The following NRXN3 variants were observed in gnomAD, a reference collection of about 807,000 sequenced individuals.
NRXN3 encodes neurexin 3.
Under a neutral mutation model 137.6 loss-of-function variants are expected in NRXN3, and 32 were observed. The observed-to-expected ratio is 0.23, with a 90% CI of 0.18 to 0.31. The LOEUF is 0.31. Ranked by LOEUF, NRXN3 falls within the 10% of genes least tolerant of loss-of-function variation. The pLI, the probability that NRXN3 is intolerant of heterozygous loss-of-function variation, is 1.00. For synonymous variants in NRXN3, 798 were observed against 784.5 expected (o/e 1.02, Z -0.29); for missense variants, 1,574 against 2,062.5 (o/e 0.76, Z 4.59).
chr14:79,780,175 C>A (rs1234477753), intron 19 of NRXN3, among the ~76,000 whole-genome samples: 4 of 151,898 alleles, frequency 2.6e-5, no homozygotes, highest in African/African-American at 9.7e-5. Flanking sequence ...AAAAAAAATT[C>A]ACAGATGCTT....
rs10134639 is a variant in NRXN3 at position 78,519,061 on chromosome 14, C to G, written c.758-126059C>G. ...GACTCTAGTATATAATATCATTCTGCTATTCATCAGGAAGTGGCTGAATAA... is the reference window on the plus strand; with the variant it reads ...GACTCTAGTATATAATATCATTCTGGTATTCATCAGGAAGTGGCTGAATAA... On this transcript the variant is annotated intron_variant, in intron 4 of 20. Transcript: ENST00000335750. Among the ~76,000 whole-genome samples the G allele has an allele frequency of 9.7e-3, 1,469 of 152,172 alleles. 25 individuals are homozygous for G. The highest frequency in any genetic ancestry group is 0.033 in the African/African-American group (1,385 of 41,508).
At chr14:78,395,968 C>G (rs2091412166) in intron 4 of NRXN3, among the ~76,000 whole-genome samples, 1 of 151,770 alleles carries the variant, frequency 6.6e-6, no homozygotes, top group Non-Finnish European at 1.5e-5. Context: ...TATTTAGACT[C>G]TTTATATTTA....
chr14:78,702,249 C>T (rs1037386603), intron 6 of NRXN3, among the ~76,000 whole-genome samples: 9 of 151,640 alleles, frequency 5.9e-5, no homozygotes, highest in African/African-American at 2.2e-4. Context: ...TAAGTATATA[C>T]AATTTATAAA....
chr14:78,784,857 C>A (rs2098783714), intron 8 of NRXN3, among the ~76,000 whole-genome samples: 1 of 152,022 alleles, frequency 6.6e-6, no homozygotes, highest in Non-Finnish European at 1.5e-5. Context: ...ACATTTTAGA[C>A]AAAAGGAGCA....
intron 15 of NRXN3, among the ~76,000 whole-genome samples, chr14:79,376,447 T>C (rs1207916754): frequency 2.6e-5 from 4 of 151,886 alleles, no homozygotes; most frequent in Non-Finnish European, 5.9e-5. Flanking sequence ...CATCCTCCAA[T>C]TAATTAGCTG....
At chr14:78,780,426 A>G (rs1233341962) in intron 8 of NRXN3, among the ~76,000 whole-genome samples, 1 of 152,168 alleles carries the variant, frequency 6.6e-6, no homozygotes, top group Non-Finnish European at 1.5e-5. Flanking sequence ...GGAAAAAAGC[A>G]TAGATCATTA....
At chr14:78,479,768 A>G (rs746025023) in intron 4 of NRXN3, among the ~76,000 whole-genome samples, 4 of 152,148 alleles carry the variant, frequency 2.6e-5, no homozygotes, top group Admixed American at 6.5e-5. Context: ...TAATTATTTT[A>G]TGCTATATTT....
At chr14:78,655,432 A>T (rs532588738) in intron 6 of NRXN3, among the ~76,000 whole-genome samples, 1 of 152,214 alleles carries the variant, frequency 6.6e-6, no homozygotes, top group Non-Finnish European at 1.5e-5. Context: ...ATTGTCAGGA[A>T]AAAAAACCCC....
At chr14:78,865,675 G>A (rs568846458) in intron 10 of NRXN3, among the ~76,000 whole-genome samples, 2 of 152,214 alleles carry the variant, frequency 1.3e-5, no homozygotes, top group South Asian at 4.1e-4. Context: ...AATACTCCTA[G>A]CATAAAATTT....
intron 4 of NRXN3, among the ~76,000 whole-genome samples, chr14:78,560,806 G>A (rs1219571856): frequency 6.6e-6 from 1 of 152,198 alleles, no homozygotes; most frequent in Non-Finnish European, 1.5e-5. Context: ...GGCTTTAAAG[G>A]ATAATCATTG....
intron 4 of NRXN3, among the ~76,000 whole-genome samples, chr14:78,345,506 C>T (rs534915164): frequency 1.4e-4 from 21 of 152,180 alleles, no homozygotes; most frequent in Admixed American, 1.3e-4. Context: ...CAGAAAAGAG[C>T]ATTTTCCTAC....
At chr14:79,293,018 T>A (rs774888284) in intron 15 of NRXN3, among the ~76,000 whole-genome samples, 2 of 151,864 alleles carry the variant, frequency 1.3e-5, no homozygotes, top group Admixed American at 6.6e-5. Context: ...AAACCTAGAG[T>A]CTTGGCCTTA....
At chr14:78,475,291 C>T (rs1223603254) in intron 4 of NRXN3, among the ~76,000 whole-genome samples, 1 of 152,146 alleles carries the variant, frequency 6.6e-6, no homozygotes, top group Non-Finnish European at 1.5e-5. Flanking sequence ...TTTTGCAACT[C>T]CCGCAGAGGT....
At chr14:78,911,922 GT>G (rs5809909) in intron 10 of NRXN3, among the ~76,000 whole-genome samples, 255 of 149,188 alleles carry the variant, frequency 1.7e-3, no homozygotes, top group African/African-American at 4.2e-3. Context: ...TTATGTACAG[GT>G]TTTTTTTTTA....
intron 20 of NRXN3, among the ~76,000 whole-genome samples, chr14:79,833,567 G>C (rs1209714475): frequency 6.6e-6 from 1 of 151,994 alleles, no homozygotes; most frequent in Admixed American, 6.6e-5. Context: ...ATTTTTACTA[G>C]GAAAGAGCAT....
At chr14:79,854,264 A>T (rs887611786) in intron 20 of NRXN3, 2 of 483,778 alleles carry the variant, frequency 4.1e-6, no homozygotes, top group Non-Finnish European at 5.4e-6. Context: ...AGTTTAAATT[A>T]TTTTGCCTAT....
At chr14:78,323,220 T>C (rs1269031045) in intron 4 of NRXN3, among the ~76,000 whole-genome samples, 3 of 152,024 alleles carry the variant, frequency 2.0e-5, no homozygotes, top group Non-Finnish European at 1.5e-5. Context: ...ACTTTCATTT[T>C]TGTGGGGGAT....
intron 15 of NRXN3, among the ~76,000 whole-genome samples, chr14:79,437,685 G>A (rs935042705): frequency 1.3e-5 from 2 of 152,172 alleles, no homozygotes; most frequent in Admixed American, 1.3e-4. Flanking sequence ...GGCAATCTCT[G>A]CAGACTTCTG....
chr14:79,159,860 A>G (rs1018668074), intron 15 of NRXN3, among the ~76,000 whole-genome samples: 9 of 151,954 alleles, frequency 5.9e-5, no homozygotes, highest in African/African-American at 2.2e-4. Flanking sequence ...ATTTTGCTAC[A>G]AAGCCAAATA....
Sources: gnomAD v4.1 joint callset for allele counts (sites outside exome capture counted in the v4.1 genomes callset) on GRCh38, gnomAD v4.1.1 for gene constraint, MANE v1.5 for transcripts, NCBI Gene and HGNC (gene_info 2026-07-23, HGNC 2026-07-21) for gene names.